The following TCEA2 variants were observed in gnomAD, a reference collection of about 807,000 sequenced individuals.
TCEA2 encodes the protein transcription elongation factor A2, also known as transcription elongation factor A protein 2.
A neutral mutation model predicts 40.8 loss-of-function variants in TCEA2; 21 were observed. That is an observed-to-expected ratio of 0.51 (90% CI 0.36 to 0.74). The LOEUF (loss-of-function observed/expected upper bound fraction) is 0.74, where lower values mean the gene tolerates loss of function less well. Among genes scored for constraint, TCEA2 ranks in the 30% least tolerant of loss-of-function variants. TCEA2 has a pLI of 0.00. For missense variants in TCEA2, 326 were observed against 426.5 expected (o/e 0.76, Z 2.08); for synonymous variants, 165 against 162.7 (o/e 1.01, Z -0.11).
chr20:64,062,091 A>G (rs895137338), upstream of TCEA2, among the ~76,000 whole-genome samples: 1 of 152,218 alleles, frequency 6.6e-6, no homozygotes, highest in Non-Finnish European at 1.5e-5. Flanking sequence ...AAGCTCAGTT[A>G]TATGTGATTA....
At chr20:64,056,194 C>T (rs75177789), upstream of TCEA2, among the ~76,000 whole-genome samples, 39 of 152,196 alleles carry the variant, frequency 2.6e-4, 1 homozygote, top group Middle Eastern at 3.4e-3. Flanking sequence ...GGGGACTTTC[C>T]GAGAGACGCT....
At chr20:64,058,710 T>G (rs1337940918), upstream of TCEA2, among the ~76,000 whole-genome samples, 1 of 152,188 alleles carries the variant, frequency 6.6e-6, no homozygotes, top group Non-Finnish European at 1.5e-5. This position sits in a 1 kb window ranked among gnomAD's most constrained non-coding sequence, Gnocchi z 6.7. Flanking sequence ...CCCAAGTGCT[T>G]CTTTACCAAT....
upstream of TCEA2, among the ~76,000 whole-genome samples, chr20:64,059,278 AC>A (rs2059518974): frequency 6.7e-6 from 1 of 149,722 alleles, no homozygotes; most frequent in East Asian, 2.0e-4. Flanking sequence ...TGGGTCTCTG[AC>A]CCCCTGGATT....
chr20:64,063,421 GCCCCGCCGAGA>G (rs1359257675), intron 1 of TCEA2, 37 bp downstream of exon 1: 4 of 1,533,824 alleles, frequency 2.6e-6, no homozygotes, highest in Admixed American at 4.0e-5. Context: ...CGGGAACCCC[GCCCCGCCGAGA>G]CCCCGTCGAG....
At chr20:64,070,957 C>A (rs1462099925) in intron 8 of TCEA2, among the ~76,000 whole-genome samples, 1 of 152,170 alleles carries the variant, frequency 6.6e-6, no homozygotes, top group Non-Finnish European at 1.5e-5. Flanking sequence ...CTGCCTGCTG[C>A]CTGGCAGTGA....
At position 64,069,778 on chromosome 20, in the gene TCEA2, C is replaced by G. The variant is rs1468669993; in HGVS notation, c.474C>G (p.Ala158=). Residue 158 remains alanine (A), a synonymous_variant, in exon 6 of 10, where the codon GCC becomes GCG. Coordinates refer to ENST00000343484, the MANE Select transcript of TCEA2 (RefSeq NM_003195.6). ...TCCCTCTTGCAGATGACCACGTGGC[C>G]ATCGGTGCGGACTGCGAGCGCCTGT... ...AALQTDHDHV[A]IGADCERLSA... The G allele has an allele frequency of 1.2e-6, 2 of 1,612,396 alleles. No individual in the cohort carries two copies. The highest frequency in any genetic ancestry group is 3.3e-5 in the Admixed American group (2 of 59,954).
chr20:64,069,557 T>C lies in TCEA2; in HGVS notation c.460+66T>C. 4.4e-6 allele frequency: 7 copies of C among 1,582,822 alleles called. No individual in the cohort carries two copies. In the South Asian group the frequency reaches 7.9e-5, roughly 18 times the overall value. ...TCACAGGGTGGCCCGGGCCCCTGCC[T>C]GCCCGCAGAGGCCTGCTTCCAGCGG... On this transcript the variant is annotated intron_variant, in intron 5 of 9. Transcript: ENST00000343484.
intron 8 of TCEA2, 24 bp downstream of exon 8, chr20:64,070,659 C>T (rs1168656826): frequency 6.6e-7 from 1 of 1,525,860 alleles, no homozygotes; most frequent in Admixed American, 2.0e-5. Context: ...GGGCACCCTC[C>T]CCCGGGCCCG....
At chr20:64,069,590 GTCC>G (rs1173717950) in intron 5 of TCEA2, 99 bp downstream of exon 5, 1 of 1,554,278 alleles carries the variant, frequency 6.4e-7, no homozygotes. Flanking sequence ...CGGGGTGACT[GTCC>G]TCCCCCAGCC....
chr20:64,063,284 C>T lies in TCEA2; in HGVS notation c.-29C>T. 6.6e-7 allele frequency: 1 copy of T among 1,511,454 alleles called. No individual in the cohort carries two copies. Among genetic ancestry groups the T allele is most frequent in the Non-Finnish European group, 8.8e-7 (1 of 1,132,498 alleles). The allele number at this position is 1,511,454 out of a possible 1,614,324, so 93.6% of individuals were successfully genotyped here. On this transcript the variant is annotated 5_prime_UTR_variant, in exon 1 of 10. In the 5' UTR this introduces an upstream ATG that the reference lacks. Coordinates refer to ENST00000343484, the MANE Select transcript of TCEA2 (RefSeq NM_003195.6). ...TGCCCGGCTGCGGAGGCGGGCGCGA[C>T]GGGCGCGGGGGTCGCTGCTCCTGAG...
At position 64,069,761 on chromosome 20, in the gene TCEA2, G is replaced by A; in HGVS notation, c.461-4G>A. 1 of 1,610,640 alleles carries A rather than the reference G, an allele frequency of 6.2e-7. No homozygotes were observed. The highest frequency in any genetic ancestry group is 8.5e-7 in the Non-Finnish European group (1 of 1,177,300). ...GGGAAGCTAGTCAGGGCTCCCTCTTGCAGATGACCACGTGGCCATCGGTGC... is the reference window on the plus strand; with the variant it reads ...GGGAAGCTAGTCAGGGCTCCCTCTTACAGATGACCACGTGGCCATCGGTGC... On this transcript the variant is annotated splice_region_variant and splice_polypyrimidine_tract_variant and intron_variant, in intron 5 of 9. Coordinates refer to ENST00000343484, the MANE Select transcript of TCEA2 (RefSeq NM_003195.6).
intron 7 of TCEA2, 33 bp from the exon 8 acceptor site, chr20:64,070,456 G>A: frequency 3.1e-6 from 5 of 1,613,788 alleles, no homozygotes; most frequent in Non-Finnish European, 4.2e-6. Flanking sequence ...CTCCCTCGGA[G>A]CGGTGGGCTA....
intron 3 of TCEA2, 104 bp from the exon 4 acceptor site, chr20:64,067,943 T>TG (rs1198993974): frequency 1.4e-5 from 12 of 846,778 alleles, no homozygotes; most frequent in Non-Finnish European, 7.1e-6. Context: ...GGGCTGGGGC[T>TG]GGGGCCGTGT....
intron 4 of TCEA2, among the ~76,000 whole-genome samples, chr20:64,069,084 C>T (rs1244048681): frequency 6.6e-6 from 1 of 152,252 alleles, no homozygotes; most frequent in Non-Finnish European, 1.5e-5. Flanking sequence ...CAGATGCTGA[C>T]TGCTGGGTCT....
upstream of TCEA2, among the ~76,000 whole-genome samples, chr20:64,061,388 G>A (rs2059562546): frequency 6.6e-6 from 1 of 151,994 alleles, no homozygotes. Context: ...CCATTCTTCT[G>A]CCTCAGCCTG....
chr20:64,070,225 CGTT>C lies in TCEA2; in HGVS notation c.518-32_518-30del, dbSNP rs111362630. On this transcript the variant is annotated intron_variant, in intron 6 of 9. Transcript: ENST00000343484. ...GCAGGTGGTAGGTGGAGGGCAGCGA[CGTT>C]GTCCTCAGGTGGGTCCTTAAAACAC... 2,136 of 1,609,484 alleles carry C rather than the reference CGTT, an allele frequency of 1.3e-3. 18 individuals are homozygous for C. In the African/African-American group the frequency reaches 0.025, roughly 19 times the overall value.
chr20:64,057,274 T>C (rs1203342110), upstream of TCEA2: 1 of 152,282 alleles, frequency 6.6e-6, no homozygotes. Context: ...TCAGGCTACG[T>C]GCATTTCCGC....
chr20:64,071,749 C>A, intron 8 of TCEA2, 121 bp from the exon 9 acceptor site: 1 of 1,189,556 alleles, frequency 8.4e-7, no homozygotes, highest in Non-Finnish European at 1.2e-6. Context: ...CACGAGGCGG[C>A]CTCGGATCAG....
At chr20:64,067,463 A>G (rs895829883) in intron 3 of TCEA2, among the ~76,000 whole-genome samples, 1 of 145,172 alleles carries the variant, frequency 6.9e-6, no homozygotes, top group African/African-American at 2.6e-5. Context: ...GCCCCCTGCC[A>G]GGGAAGGGAA....
Sources: gnomAD v4.1 joint callset for allele counts (sites outside exome capture counted in the v4.1 genomes callset) on GRCh38, gnomAD v4.1.1 for gene constraint, Gnocchi (gnomAD v3.1) non-coding constraint, MANE v1.5 for transcripts, NCBI Gene and HGNC (gene_info 2026-07-23, HGNC 2026-07-21) for gene names.